The following PITPNM2 variants were observed in gnomAD, a reference collection of about 807,000 sequenced individuals.
PITPNM2 encodes the protein phosphatidylinositol transfer protein membrane associated 2.
PITPNM2 carries 35 observed loss-of-function variants against 132.2 expected under a neutral mutation model. The observed-to-expected ratio is 0.26, with a 90% CI of 0.20 to 0.35. The LOEUF (loss-of-function observed/expected upper bound fraction) is 0.35, where lower values mean the gene tolerates loss of function less well. PITPNM2 is among the 10% of genes least tolerant of loss of function. The pLI is 1.00. For missense variants in PITPNM2, 1,332 were observed against 1,912.0 expected, an observed-to-expected ratio of 0.70 and a Z score of 5.66; for synonymous variants, 738 against 799.2, an observed-to-expected ratio of 0.92 and a Z score of 1.29.
At chr12:123,139,353 TA>T (rs1160755008) in intron 1 of PITPNM2, among the ~76,000 whole-genome samples, 1 of 151,658 alleles carries the variant, frequency 6.6e-6, no homozygotes, top group Non-Finnish European at 1.5e-5. Context: ...ACAAAAAAAT[TA>T]GCTGGGTGTG....
intron 1 of PITPNM2, among the ~76,000 whole-genome samples, chr12:123,143,788 C>T (rs2043555719): frequency 6.6e-6 from 1 of 152,182 alleles, no homozygotes; most frequent in Non-Finnish European, 1.5e-5. Context: ...CTAGAAGAAG[C>T]TACAGCAGGG....
intron 2 of PITPNM2, among the ~76,000 whole-genome samples, chr12:123,101,432 A>G (rs1221046284): frequency 6.6e-6 from 1 of 152,254 alleles, no homozygotes; most frequent in East Asian, 1.9e-4. Flanking sequence ...TCCCAAGAGT[A>G]TTTATCATTT....
At chr12:123,027,577 C>T (rs1592955406) in intron 3 of PITPNM2, among the ~76,000 whole-genome samples, 1 of 152,336 alleles carries the variant, frequency 6.6e-6, no homozygotes, top group Admixed American at 6.5e-5. Context: ...GGATGAGTAC[C>T]ACCAACTGTG....
At chr12:123,029,081 C>T (rs535975444) in intron 3 of PITPNM2, among the ~76,000 whole-genome samples, 18 of 152,322 alleles carry the variant, frequency 1.2e-4, no homozygotes, top group Non-Finnish European at 2.4e-4. Flanking sequence ...GCTGCCTCCT[C>T]CCCAATCTAG....
At chr12:122,998,778 T>C (rs1337452202) in intron 10 of PITPNM2, among the ~76,000 whole-genome samples, 1 of 23,110 alleles carries the variant, frequency 4.3e-5, no homozygotes, top group Non-Finnish European at 8.2e-5. Flanking sequence ...ACACAGAGGC[T>C]GGGTGGGTGG....
At position 122,984,181 on chromosome 12, in the gene PITPNM2, G is replaced by A. The variant is rs1321293396; in HGVS notation, c.*1846C>T. ...CGTGGGGGAGCTGCCCCCCTGGGGAGAGGCTGAGCCCACTGCCCACAGGGC... is the reference window on the plus strand; with the variant it reads ...CGTGGGGGAGCTGCCCCCCTGGGGAAAGGCTGAGCCCACTGCCCACAGGGC... On this transcript the variant is annotated 3_prime_UTR_variant, in exon 26 of 26. Transcript: ENST00000320201. 1 of 152,818 alleles carries A rather than the reference G, an allele frequency of 6.5e-6. No homozygotes were observed. The highest frequency in any genetic ancestry group is 1.5e-5 in the Non-Finnish European group (1 of 68,262). 9.5% of individuals were successfully genotyped at this position (152,818 alleles called of 1,614,324 possible).
In PITPNM2 at chr12:123,004,638, G is replaced by C. The variant is rs1007290091; in HGVS notation, c.953-149C>G. ...GAGCCAGGAAGGTTCCGAAGAGAAT[G>C]AAGTGTGTAAATGAGTGGGGAGCGG... On this transcript the variant is annotated intron_variant, in intron 7 of 25. Coordinates refer to ENST00000320201, the MANE Select transcript of PITPNM2 (RefSeq NM_020845.3). The surrounding 1 kb of genome is among the most constrained non-coding windows in gnomAD (Gnocchi z 4.9). 2 of 719,618 alleles carry C rather than the reference G, an allele frequency of 2.8e-6. No homozygotes were observed. Among genetic ancestry groups the C allele is most frequent in the South Asian group, 3.2e-5 (2 of 62,678 alleles). 44.6% of individuals were successfully genotyped at this position (719,618 alleles called of 1,614,324 possible).
In PITPNM2 at chr12:123,051,346, A is replaced by G. The variant is rs2040849961; in HGVS notation, c.-95-16661T>C. On this transcript the variant is annotated intron_variant, in intron 2 of 25. Transcript: ENST00000320201. ...ATCCCACTTACGTAGACTTTGTTCT[A>G]TTTCTCTCCTCTTTCTGGCTCTCTA... Among the ~76,000 whole-genome samples the G allele has an allele frequency of 1.3e-5, 2 of 152,110 alleles. 1 individual carries two copies. The highest frequency in any genetic ancestry group is 1.3e-4 in the Admixed American group (2 of 15,276).
At chr12:123,118,270 T>C (rs973446515) in intron 1 of PITPNM2, among the ~76,000 whole-genome samples, 4 of 152,196 alleles carry the variant, frequency 2.6e-5, no homozygotes, top group African/African-American at 7.2e-5. Flanking sequence ...TTCAGGGAGA[T>C]TGGATACAGA....
At chr12:123,001,800 G>A (rs1047063173) in intron 8 of PITPNM2, among the ~76,000 whole-genome samples, 2 of 152,166 alleles carry the variant, frequency 1.3e-5, no homozygotes, top group Non-Finnish European at 2.9e-5. Context: ...GGAGGCTGAG[G>A]TGGGTGGACT....
At chr12:123,128,560 T>C (rs2043197362) in intron 1 of PITPNM2, among the ~76,000 whole-genome samples, 1 of 151,194 alleles carries the variant, frequency 6.6e-6, no homozygotes. Flanking sequence ...GAGACCATCT[T>C]GGCTAACATG....
chr12:123,007,924 G>A (rs1346738998), intron 6 of PITPNM2, among the ~76,000 whole-genome samples: 1 of 152,120 alleles, frequency 6.6e-6, no homozygotes, highest in Non-Finnish European at 1.5e-5. Flanking sequence ...GAGTTCACGA[G>A]ATCATCCCCG....
chr12:122,998,048 A>G (rs1274899059), intron 10 of PITPNM2, among the ~76,000 whole-genome samples: 1 of 152,148 alleles, frequency 6.6e-6, no homozygotes, highest in Non-Finnish European at 1.5e-5. Context: ...CACCAGCTCA[A>G]AGTTACAGAG....
At chr12:123,025,126 G>A (rs994215314) in intron 3 of PITPNM2, among the ~76,000 whole-genome samples, 1 of 152,160 alleles carries the variant, frequency 6.6e-6, no homozygotes, top group Non-Finnish European at 1.5e-5. Flanking sequence ...AGGCAGTGGC[G>A]ACTTTAAGCC....
At chr12:123,096,573 G>A (rs1161141757) in intron 2 of PITPNM2, among the ~76,000 whole-genome samples, 1 of 152,200 alleles carries the variant, frequency 6.6e-6, no homozygotes, top group East Asian at 1.9e-4. Context: ...GGAGAAGGAA[G>A]AAAGAGGGAG....
At position 123,004,339 on chromosome 12, in the gene PITPNM2, C is replaced by T; in HGVS notation, c.1048+55G>A. ...ACCCACACCCTAAGCCCTTTCAGACCCCTCCCCACCTCGCCCAGGAAGGCC... is the reference window on the plus strand; with the variant it reads ...ACCCACACCCTAAGCCCTTTCAGACTCCTCCCCACCTCGCCCAGGAAGGCC... On this transcript the variant is annotated intron_variant, in intron 8 of 25. Coordinates refer to ENST00000320201, the MANE Select transcript of PITPNM2 (RefSeq NM_020845.3). The surrounding 1 kb of genome is among the most constrained non-coding windows in gnomAD (Gnocchi z 4.9). 1 of 1,562,596 alleles carries T rather than the reference C, an allele frequency of 6.4e-7. No individual in the cohort carries two copies.
Position 123,009,800 on chromosome 12 carries a change from A to G in PITPNM2, c.643+50T>C, listed in dbSNP as rs2039104915. On this transcript the variant is annotated intron_variant, in intron 6 of 25. Transcript: ENST00000320201. This position sits in a 1 kb window ranked among gnomAD's most constrained non-coding sequence, Gnocchi z 4.8. ...GGCAGACAGGCAGGTGACAGGAGACAGAGGGGTTGGGTAGCCCAGCCACTG... is the reference window on the plus strand; with the variant it reads ...GGCAGACAGGCAGGTGACAGGAGACGGAGGGGTTGGGTAGCCCAGCCACTG... 2 of 1,515,776 alleles carry G rather than the reference A, an allele frequency of 1.3e-6. No individual in the cohort carries two copies. The highest frequency in any genetic ancestry group is 3.3e-5 in the Admixed American group (2 of 59,766). 93.9% of individuals were successfully genotyped at this position (1,515,776 alleles called of 1,614,324 possible).
At chr12:123,114,656 C>G (rs1251221517) in intron 1 of PITPNM2, among the ~76,000 whole-genome samples, 1 of 151,950 alleles carries the variant, frequency 6.6e-6, no homozygotes, top group Admixed American at 6.6e-5. Flanking sequence ...TCCTCCATTT[C>G]CCAGCTATGA....
intron 2 of PITPNM2, among the ~76,000 whole-genome samples, chr12:123,041,581 A>T (rs1362135505): frequency 6.6e-6 from 1 of 152,102 alleles, no homozygotes; most frequent in East Asian, 1.9e-4. Context: ...AACCCTCCTC[A>T]CTCAGACAAT....
Sources: allele counts gnomAD v4.1 joint callset (sites outside exome capture counted in the v4.1 genomes callset), GRCh38; gene constraint gnomAD v4.1.1; non-coding constraint Gnocchi (gnomAD v3.1); transcripts MANE v1.5; gene names NCBI Gene and HGNC (gene_info 2026-07-23, HGNC 2026-07-21).